The following ETFBKMT variants were observed in gnomAD, a reference collection of about 807,000 sequenced individuals.
The protein encoded by ETFBKMT is electron transfer flavoprotein beta subunit lysine methyltransferase.
In ETFBKMT, 13 loss-of-function variants were observed where a neutral mutation model predicts 18.3. That is an observed-to-expected ratio of 0.71 (90% confidence interval 0.46 to 1.13). The LOEUF is 1.13. Among genes scored for constraint, ETFBKMT ranks in the 50% most tolerant of loss-of-function variants. The pLI is 0.00. For missense variants in ETFBKMT, 293 were observed against 306.2 expected, an observed-to-expected ratio of 0.96 and a Z score of 0.32; for synonymous variants, 84 against 107.9, an observed-to-expected ratio of 0.78 and a Z score of 1.37.
intron 3 of ETFBKMT, among the ~76,000 whole-genome samples, chr12:31,666,475 A>G (rs185563534): frequency 6.6e-6 from 1 of 152,240 alleles, no homozygotes; most frequent in Non-Finnish European, 1.5e-5. Flanking sequence ...AATTTCCTGA[A>G]ATATGTAAAT....
chr12:31,657,402 CCT>C (rs1350269652), upstream of ETFBKMT, among the ~76,000 whole-genome samples: 1 of 152,108 alleles, frequency 6.6e-6, no homozygotes, highest in East Asian at 1.9e-4. Context: ...TCCATATATC[CCT>C]GTTTTTCATG....
chr12:31,666,241 T>A (rs1203646534), intron 3 of ETFBKMT, 24 bp downstream of exon 3: 1 of 1,594,070 alleles, frequency 6.3e-7, no homozygotes, highest in South Asian at 1.1e-5. Flanking sequence ...TTTTAAAATA[T>A]TTAAGGCTCA....
rs755626597 is a variant in ETFBKMT, at chr12:31,667,659, C to G, written c.458C>G (p.Ala153Gly). ...ANDIDPIAGM[A>G]ITLNCELNRL... ...TTTTTTTTTTAAGTTGCAGGAATGG[C>G]TATTACACTAAATTGTGAATTGAAC... The change falls in exon 4 of 4, where the codon GCT becomes GGT. Residue 153 changes from alanine (A) to glycine (G), a missense_variant. Transcript: ENST00000357721. 8.1e-6 allele frequency: 13 copies of G among 1,603,274 alleles called. No homozygotes were observed. Among genetic ancestry groups the G allele is most frequent in the Non-Finnish European group, 1.1e-5 (13 of 1,174,302 alleles).
intron 1 of ETFBKMT, among the ~76,000 whole-genome samples, chr12:31,661,421 A>G (rs1951121308): frequency 6.6e-6 from 1 of 152,232 alleles, no homozygotes; most frequent in Non-Finnish European, 1.5e-5. Context: ...TTCATCTGAA[A>G]TGAACTTGCA....
At chr12:31,652,995 G>A (rs373137598) in intron 1 of ETFBKMT, among the ~76,000 whole-genome samples, 42 of 152,352 alleles carry the variant, frequency 2.8e-4, no homozygotes, top group African/African-American at 9.9e-4. Flanking sequence ...GATTGCCTGA[G>A]CTCAGGAGTT....
At position 31,667,843 on chromosome 12, in the gene ETFBKMT, A is replaced by C; in HGVS notation, c.642A>C (p.Val214=). The stretch of plus-strand genomic sequence containing the variant: ...GCTTCTGGACCTATAGAACTCGAGT[A>C]CTGATTGGTGACCCTGGGCGGCCCC... The part of the protein sequence containing the change: ...KKCFWTYRTR[V]LIGDPGRPQF... The change falls in exon 4 of 4, where the codon GTA becomes GTC. Residue 214 remains valine (V), a synonymous_variant. Transcript: ENST00000357721. 1 of 1,614,232 alleles carries C rather than the reference A, an allele frequency of 6.2e-7. No homozygotes were observed. Among genetic ancestry groups the C allele is most frequent in the Non-Finnish European group, 8.5e-7 (1 of 1,180,036 alleles).
intron 2 of ETFBKMT, among the ~76,000 whole-genome samples, chr12:31,665,654 C>T (rs1461797895): frequency 1.3e-5 from 2 of 152,104 alleles, no homozygotes; most frequent in Non-Finnish European, 2.9e-5. Context: ...CTGAGAGCCC[C>T]GAACAGAGAT....
chr12:31,664,399 G>A (rs1312226266), intron 2 of ETFBKMT, among the ~76,000 whole-genome samples: 1 of 152,002 alleles, frequency 6.6e-6, no homozygotes, highest in Non-Finnish European at 1.5e-5. Context: ...CTTTGTTTTA[G>A]CAGTATTTTG....
At chr12:31,647,739 G>T (rs1296273793) in intron 1 of ETFBKMT, among the ~76,000 whole-genome samples, 1 of 152,124 alleles carries the variant, frequency 6.6e-6, no homozygotes, top group Non-Finnish European at 1.5e-5. Context: ...TGGGACAGGA[G>T]AATCACGTGA....
intron 1 of ETFBKMT, among the ~76,000 whole-genome samples, chr12:31,649,176 G>A (rs1950994497): frequency 6.6e-6 from 1 of 152,126 alleles, no homozygotes; most frequent in South Asian, 2.1e-4. Context: ...GGAGATAGTT[G>A]TTATATTTTT....
In ETFBKMT at chr12:31,663,179, G is replaced by A. The variant is rs374737173; in HGVS notation, c.314+912G>A. On this transcript the variant is annotated intron_variant, in intron 2 of 3. Transcript: ENST00000357721. ...GTGATCTCGGCTCACTGCAAGCCCC[G>A]CCTCCCGGGTTCACGCCATTCTCCT... Among the ~76,000 whole-genome samples, 6 of 149,944 alleles carry A rather than the reference G, an allele frequency of 4.0e-5. No homozygotes were observed. The East Asian group carries it at 5.9e-4, about 15-fold the overall frequency.
chr12:31,657,917 C>A (rs1951076225), upstream of ETFBKMT, among the ~76,000 whole-genome samples: 1 of 151,476 alleles, frequency 6.6e-6, no homozygotes, highest in Admixed American at 6.6e-5. Flanking sequence ...ATAGAAAGAA[C>A]TGGACCAGTT....
chr12:31,649,967 G>A (rs1163225711), intron 1 of ETFBKMT, among the ~76,000 whole-genome samples: 1 of 150,292 alleles, frequency 6.7e-6, no homozygotes, highest in Non-Finnish European at 1.5e-5. Flanking sequence ...ATATTGGCCA[G>A]GTTGGTCTCG....
In ETFBKMT at chr12:31,672,743, G is replaced by C. The variant is rs938128396; in HGVS notation, c.*4753G>C. The C allele has an allele frequency of 5.5e-6, 1 of 183,210 alleles. No homozygotes were observed. The highest frequency in any genetic ancestry group is 2.4e-5 in the African/African-American group (1 of 41,924). The allele number at this position is 183,210 out of a possible 1,614,324, so 11.3% of individuals were successfully genotyped here. On this transcript the variant is annotated 3_prime_UTR_variant, in exon 4 of 4. Transcript: ENST00000357721. ...AGCCGGAAATAGATGATTCACTAAA[G>C]TGGGGTGACTGAACAGCATTTAATG... is the stretch of plus-strand genomic sequence containing the variant.
chr12:31,667,566 A>G, intron 3 of ETFBKMT, 81 bp from the exon 4 acceptor site: 2 of 1,041,618 alleles, frequency 1.9e-6, no homozygotes, highest in Non-Finnish European at 2.8e-6. Context: ...TTGTTAGCAG[A>G]TCTTCTAAAT....
chr12:31,661,827 C>T lies in ETFBKMT; in HGVS notation c.-113-14C>T. On this transcript the variant is annotated splice_polypyrimidine_tract_variant and intron_variant, in intron 1 of 3. Coordinates refer to ENST00000357721, the MANE Select transcript of ETFBKMT (RefSeq NM_001135863.2). ...CCTCAGAATTCTCAGTATTACTTTT[C>T]TTTTTTTTTTCAGAGTCAGAGGTTC... 3.0e-6 allele frequency: 2 copies of T among 663,198 alleles called. No individual in the cohort carries two copies. The highest frequency in any genetic ancestry group is 4.9e-6 in the Non-Finnish European group (2 of 408,776). The allele number at this position is 663,198 out of a possible 1,614,324, so 41.1% of individuals were successfully genotyped here.
chr12:31,652,489 T>C (rs1011463927), intron 1 of ETFBKMT, among the ~76,000 whole-genome samples: 2 of 152,208 alleles, frequency 1.3e-5, no homozygotes, highest in African/African-American at 2.4e-5. Context: ...TATAAAAGCT[T>C]TCTGTTCTGG....
chr12:31,648,435 G>C (rs1222849153), intron 1 of ETFBKMT, among the ~76,000 whole-genome samples: 4 of 143,252 alleles, frequency 2.8e-5, no homozygotes, highest in Non-Finnish European at 6.0e-5. Flanking sequence ...CATCTCAGTT[G>C]ACTGCAACCT....
chr12:31,650,414 T>TA (rs1951006442), intron 1 of ETFBKMT, among the ~76,000 whole-genome samples: 1 of 152,108 alleles, frequency 6.6e-6, no homozygotes, highest in South Asian at 2.1e-4. Flanking sequence ...GAAATAACCA[T>TA]AAAAAATGGG....
Sources: allele counts gnomAD v4.1 joint callset (sites outside exome capture counted in the v4.1 genomes callset), GRCh38; gene constraint gnomAD v4.1.1; transcripts MANE v1.5; gene names NCBI Gene and HGNC (gene_info 2026-07-23, HGNC 2026-07-21).